The following LMX1A variants were observed in gnomAD, a reference collection of about 807,000 sequenced individuals.
LMX1A encodes the protein LIM homeobox transcription factor 1-alpha.
In LMX1A, 15 loss-of-function variants were observed where a neutral mutation model predicts 49.1. The observed-to-expected ratio is 0.31, with a 90% CI of 0.20 to 0.47. The LOEUF is 0.47. Among genes scored for constraint, LMX1A ranks in the 20% least tolerant of loss-of-function variants. The pLI, the probability that LMX1A is intolerant of heterozygous loss-of-function variation, is 1.00. For synonymous variants in LMX1A, 167 were observed against 185.7 expected (o/e 0.90, Z 0.82); for missense variants, 372 against 475.8 (o/e 0.78, Z 2.03).
chr1:165,291,131 A>G (rs1024952556), intron 3 of LMX1A, among the ~76,000 whole-genome samples: 7 of 152,222 alleles, frequency 4.6e-5, no homozygotes, highest in Non-Finnish European at 1.0e-4. Flanking sequence ...GACATCACCA[A>G]TATTCTCCAC....
At chr1:165,268,326 A>T (rs1274691858) in intron 3 of LMX1A, among the ~76,000 whole-genome samples, 1 of 152,236 alleles carries the variant, frequency 6.6e-6, no homozygotes, top group African/African-American at 2.4e-5. Context: ...TAATTTTGCT[A>T]TGCCACATAT....
At chr1:165,302,537 T>C (rs1411245212) in intron 3 of LMX1A, among the ~76,000 whole-genome samples, 1 of 152,202 alleles carries the variant, frequency 6.6e-6, no homozygotes, top group Non-Finnish European at 1.5e-5. Context: ...ACATTGCTTC[T>C]GTTCAAAATC....
At chr1:165,344,429 A>G (rs1014795460) in intron 3 of LMX1A, among the ~76,000 whole-genome samples, 3 of 152,202 alleles carry the variant, frequency 2.0e-5, no homozygotes, top group African/African-American at 7.2e-5. Context: ...CTAGATGGTT[A>G]TGTTTAAAAG....
chr1:165,223,528 G>C (rs1490853972), intron 4 of LMX1A, among the ~76,000 whole-genome samples: 1 of 152,200 alleles, frequency 6.6e-6, no homozygotes, highest in Non-Finnish European at 1.5e-5. Context: ...AGAAAACAGA[G>C]CAATGGGATA....
In LMX1A at chr1:165,311,615, C is replaced by A. The variant is rs542093829; in HGVS notation, c.263+41461G>T. Reference sequence around the variant, plus strand: ...CACTCCAAACTTTGAAGACCAACAGCCTCCTTCCCAGAATTGTCATCAAAG... The same window carrying A: ...CACTCCAAACTTTGAAGACCAACAGACTCCTTCCCAGAATTGTCATCAAAG... On this transcript the variant is annotated intron_variant, in intron 3 of 8. Coordinates refer to ENST00000342310, the MANE Select transcript of LMX1A (RefSeq NM_177398.4). Among the ~76,000 whole-genome samples, 11 of 152,332 alleles carry A rather than the reference C, an allele frequency of 7.2e-5. No individual in the cohort carries two copies. The East Asian group carries it at 2.1e-3, about 29-fold the overall frequency.
At chr1:165,206,072 G>T (rs1651067190) in intron 7 of LMX1A, 38 bp from the exon 8 acceptor site, 2 of 1,494,466 alleles carry the variant, frequency 1.3e-6, no homozygotes, top group Non-Finnish European at 1.8e-6. Context: ...TTCTCAACGT[G>T]CAGCCTGGCA....
intron 3 of LMX1A, among the ~76,000 whole-genome samples, chr1:165,289,311 G>C (rs1243954007): frequency 6.6e-6 from 1 of 151,678 alleles, no homozygotes; most frequent in Non-Finnish European, 1.5e-5. Flanking sequence ...TGGCACTACA[G>C]ATCTAGTTAT....
chr1:165,210,441 A>T (rs1372557342), intron 6 of LMX1A, among the ~76,000 whole-genome samples: 1 of 152,262 alleles, frequency 6.6e-6, no homozygotes, highest in Non-Finnish European at 1.5e-5. Context: ...ACATTTATTC[A>T]TACAGATGGC....
At chr1:165,311,753 GCTTCTCCTGCACAA>G (rs1655083271) in intron 3 of LMX1A, among the ~76,000 whole-genome samples, 1 of 152,200 alleles carries the variant, frequency 6.6e-6, no homozygotes, top group Non-Finnish European at 1.5e-5. Context: ...AGCTCTTCAG[GCTTCTCCTGCACAA>G]AGGCATTCAA....
chr1:165,353,383 G>C, intron 2 of LMX1A, 121 bp from the exon 3 acceptor site: 1 of 751,142 alleles, frequency 1.3e-6, no homozygotes, highest in Non-Finnish European at 2.1e-6. Flanking sequence ...CCCCACCCCA[G>C]GGAACTCCTG....
intron 3 of LMX1A, among the ~76,000 whole-genome samples, chr1:165,281,313 G>T (rs1238877469): frequency 6.6e-6 from 1 of 152,240 alleles, no homozygotes; most frequent in Admixed American, 6.5e-5. Context: ...GTCTCCCACT[G>T]AAAGGTGTCA....
Position 165,355,568 on chromosome 1 carries a change from C to T in LMX1A, c.-9G>A. The T allele has an allele frequency of 6.2e-7, 1 of 1,613,258 alleles. No individual in the cohort carries two copies. The highest frequency in any genetic ancestry group is 8.5e-7 in the Non-Finnish European group (1 of 1,179,716). On this transcript the variant is annotated 5_prime_UTR_variant, in exon 2 of 9. Transcript: ENST00000342310. This position sits in a 1 kb window ranked among gnomAD's most constrained non-coding sequence, Gnocchi z 4.7. ...TTTAGGCCGTCCAGCATGTTCGGGC[C>T]GGGCCGGGAGGACCTGTAGAGGAGA... is the stretch of plus-strand genomic sequence containing the variant.
At chr1:165,231,624 G>T (rs1159112426) in intron 4 of LMX1A, among the ~76,000 whole-genome samples, 1 of 152,174 alleles carries the variant, frequency 6.6e-6, no homozygotes, top group Non-Finnish European at 1.5e-5. Context: ...TATACTAGAA[G>T]AGAGTTTTAA....
At chr1:165,328,349 A>G (rs538488542) in intron 3 of LMX1A, among the ~76,000 whole-genome samples, 7 of 152,364 alleles carry the variant, frequency 4.6e-5, no homozygotes, top group African/African-American at 1.2e-4. Flanking sequence ...AGGCTGTCCC[A>G]TAGTGCTATG....
At chr1:165,346,820 T>C (rs1656260224) in intron 3 of LMX1A, among the ~76,000 whole-genome samples, 1 of 152,226 alleles carries the variant, frequency 6.6e-6, no homozygotes, top group Admixed American at 6.5e-5. Context: ...TTACACCTCC[T>C]TTTTAGCCGA....
intron 4 of LMX1A, among the ~76,000 whole-genome samples, chr1:165,230,455 T>C (rs1652200756): frequency 6.6e-6 from 1 of 152,226 alleles, no homozygotes; most frequent in South Asian, 2.1e-4. Flanking sequence ...TAATATTCTC[T>C]GATGAACTTC....
intron 3 of LMX1A, among the ~76,000 whole-genome samples, chr1:165,278,628 C>G (rs368335894): frequency 2.0e-5 from 3 of 152,278 alleles, no homozygotes; most frequent in African/African-American, 7.2e-5. Context: ...CCATAAACCC[C>G]GGGGACAGCC....
At chr1:165,208,213 A>T (rs1224642213) in intron 6 of LMX1A, 81 bp from the exon 7 acceptor site, 5 of 1,301,774 alleles carry the variant, frequency 3.8e-6, no homozygotes, top group Middle Eastern at 1.9e-4. Context: ...TGGAAGTGAC[A>T]CCTTCCCCGG....
intron 3 of LMX1A, among the ~76,000 whole-genome samples, chr1:165,336,238 C>T (rs74118593): frequency 0.021 from 3,145 of 152,270 alleles, 109 homozygotes; most frequent in African/African-American, 0.072. Flanking sequence ...ATGTATCTTC[C>T]TGTCCTTCCT....
Sources: gnomAD v4.1 joint callset for allele counts (sites outside exome capture counted in the v4.1 genomes callset) on GRCh38, gnomAD v4.1.1 for gene constraint, Gnocchi (gnomAD v3.1) non-coding constraint, MANE v1.5 for transcripts, NCBI Gene and HGNC (gene_info 2026-07-23, HGNC 2026-07-21) for gene names.